SPAG5: variants seen among roughly 807,000 people sequenced by gnomAD.
SPAG5 encodes sperm-associated antigen 5.
A neutral mutation model predicts 145.4 loss-of-function variants in SPAG5; 99 were observed. The observed-to-expected ratio is 0.68, with a 90% confidence interval of 0.58 to 0.80. The LOEUF (loss-of-function observed/expected upper bound fraction) is 0.80, where lower values mean the gene tolerates loss of function less well. Ranked by LOEUF, SPAG5 falls within the 30% of genes least tolerant of loss-of-function variation. The pLI is 0.00. For synonymous variants in SPAG5, 477 were observed against 525.4 expected (o/e 0.91, Z 1.26); for missense variants, 1,192 against 1,416.0 (o/e 0.84, Z 2.54).
chr17:28,591,599 G>C, intron 4 of SPAG5, 99 bp downstream of exon 4: 1 of 1,098,810 alleles, frequency 9.1e-7, no homozygotes, highest in Admixed American at 2.3e-5. Context: ...CTAAGTATAA[G>C]CCTGTGATAG....
intron 9 of SPAG5, 47 bp downstream of exon 9, chr17:28,585,266 CAACAGG>C: frequency 1.2e-6 from 2 of 1,611,774 alleles, no homozygotes; most frequent in East Asian, 4.5e-5. Flanking sequence ...GCAAAGCTCA[CAACAGG>C]ACTTGATGTG....
chr17:28,588,175 C>T (rs138359891), intron 4 of SPAG5, among the ~76,000 whole-genome samples: 425 of 152,312 alleles, frequency 2.8e-3, no homozygotes, highest in Non-Finnish European at 4.8e-3. Context: ...CACAGAGTAG[C>T]ACATGAGCTT....
intron 1 of SPAG5, 59 bp from the exon 2 acceptor site, chr17:28,598,694 C>T: frequency 3.9e-6 from 6 of 1,557,134 alleles, no homozygotes; most frequent in Non-Finnish European, 5.2e-6. Context: ...TGCCAGCCCG[C>T]CCCTCCTCCC....
In SPAG5 at chr17:28,586,292, T is replaced by C. The variant is rs900780754; in HGVS notation, c.1513-110A>G. 119 of 1,216,688 alleles carry C rather than the reference T, an allele frequency of 9.8e-5. 2 individuals carry two copies. Among genetic ancestry groups the C allele is most frequent in the South Asian group, 5.0e-4 (40 of 80,090 alleles). 75.4% of individuals were successfully genotyped at this position (1,216,688 alleles called of 1,614,324 possible). ...CAATTCCAAGCTCCGCATAAGGAGATGTACTTTACAAATGTTTGGAAACCT... is the reference window on the plus strand; with the variant it reads ...CAATTCCAAGCTCCGCATAAGGAGACGTACTTTACAAATGTTTGGAAACCT... On this transcript the variant is annotated intron_variant, in intron 5 of 23. Coordinates refer to ENST00000321765, the MANE Select transcript of SPAG5 (RefSeq NM_006461.4).
intron 15 of SPAG5, among the ~76,000 whole-genome samples, chr17:28,583,153 AT>A (rs1369736445): frequency 6.6e-6 from 1 of 152,076 alleles, no homozygotes; most frequent in African/African-American, 2.4e-5. Flanking sequence ...TAATTTCTGT[AT>A]TTTTTTGTAG....
At position 28,586,121 on chromosome 17, in the gene SPAG5, A is replaced by G; in HGVS notation, c.1574T>C (p.Leu525Ser). 6.2e-7 allele frequency: 1 copy of G among 1,614,124 alleles called. No individual in the cohort carries two copies. Among genetic ancestry groups the G allele is most frequent in the Non-Finnish European group, 8.5e-7 (1 of 1,179,982 alleles). The change falls in exon 6 of 24, where the codon TTA becomes TCA. Residue 525 changes from leucine (L) to serine (S), a missense_variant. This residue lies in a region of SPAG5 where 709 missense variants were observed against 840.7 expected (regional missense o/e 0.84). Coordinates refer to ENST00000321765, the MANE Select transcript of SPAG5 (RefSeq NM_006461.4). ...ISLLHLSLLH[L>S]EEDKTTVSQE... ...ACTCACAGTAGTCTTATCTTCTTCT[A>G]AATGCAACAGGGATAGGTGAAGCAA...
Position 28,598,941 on chromosome 17 carries a change from C to A in SPAG5, c.6G>T (p.Trp2Cys). Residue 2 changes from tryptophan to cysteine, a missense_variant, in exon 1 of 24, where the codon TGG becomes TGT. Physicochemically the swap from Trp to Cys is radical, Grantham distance 215. Coordinates refer to ENST00000321765, the MANE Select transcript of SPAG5 (RefSeq NM_006461.4). The part of the protein sequence containing the change: M[W>C]RVKKLSLSLS... ...GGCTGAGGCTCAGTTTTTTCACTCG[C>A]CACATCTTCAACCAGAAGGCAGGCC... The A allele has an allele frequency of 6.2e-7, 1 of 1,614,014 alleles. No homozygotes were observed. The highest frequency in any genetic ancestry group is 1.1e-5 in the South Asian group (1 of 91,082).
chr17:28,591,824 G>A lies in SPAG5; in HGVS notation c.1311C>T (p.Asn437=), dbSNP rs1300892914. The A allele has an allele frequency of 1.9e-6, 3 of 1,614,144 alleles. No homozygotes were observed. The highest frequency in any genetic ancestry group is 2.5e-6 in the Non-Finnish European group (3 of 1,180,032). ...CCAGAATGACAAGAGAGCTCAGCAG[G>A]TTATCTTCCAAGTCATGTCGAGACA... ...TALSRHDLED[N]LLSSLVILEV... Residue 437 remains asparagine, a synonymous_variant, in exon 4 of 24, where the codon AAC becomes AAT. Transcript: ENST00000321765.
chr17:28,597,626 G>A lies in SPAG5; in HGVS notation c.177+884C>T, dbSNP rs2070675639. Among the ~76,000 whole-genome samples, 4 of 152,296 alleles carry A rather than the reference G, an allele frequency of 2.6e-5. 1 individual carries two copies. In the South Asian group the frequency reaches 8.3e-4, roughly 32 times the overall value. ...ACTTCTGTTACTCAGGATGTCATCT[G>A]TCTATACACTCTTCTTTCCTCCTCA... On this transcript the variant is annotated intron_variant, in intron 2 of 23. Transcript: ENST00000321765.
At chr17:28,596,488 C>T (rs1265287063) in intron 2 of SPAG5, among the ~76,000 whole-genome samples, 2 of 149,928 alleles carry the variant, frequency 1.3e-5, no homozygotes, top group Non-Finnish European at 3.0e-5. Context: ...GCCAATATGG[C>T]GAAACCCCGT....
Position 28,598,996 on chromosome 17 carries a change from C to CT in SPAG5, c.-51_-50insA. 4 of 1,569,318 alleles carry CT rather than the reference C, an allele frequency of 2.5e-6. No individual in the cohort carries two copies. The South Asian group carries it at 4.4e-5, about 17-fold the overall frequency. ...ACGTCTCAGACCAAGTCGAGGACGC[C>CT]ATGTTCACCCGCCGTCTGTGTTTGA... is the stretch of plus-strand genomic sequence containing the variant. On this transcript the variant is annotated 5_prime_UTR_variant, in exon 1 of 24. An upstream start codon of the reference 5' UTR is lost. Transcript: ENST00000321765.
At chr17:28,593,729 AAAAT>A (rs558526295) in intron 2 of SPAG5, among the ~76,000 whole-genome samples, 46 of 152,234 alleles carry the variant, frequency 3.0e-4, no homozygotes, top group Admixed American at 2.8e-3. Context: ...GTCTCAAAAA[AAAAT>A]AAATAAATAA....
Position 28,579,372 on chromosome 17 carries a change from G to A in SPAG5, c.2998C>T (p.Arg1000Ter), listed in dbSNP as rs372894476. 18 of 1,613,874 alleles carry A rather than the reference G, an allele frequency of 1.1e-5. No homozygotes were observed. Among genetic ancestry groups the A allele is most frequent in the African/African-American group, 5.3e-5 (4 of 74,892 alleles). ...AAACTGCATCCCACTCACATTTTTC[G>A]CTGCAGAGTCCTGATGGCTTCTTCT... ...SKEEAIRTLQRKICELQARLQ... is the reference protein window; with the variant it reads ...SKEEAIRTLQ The change falls in exon 18 of 24, where the codon CGA (arginine) becomes TGA (stop). Residue 1000 changes from arginine to a stop codon, truncating the protein, a stop_gained. Coordinates refer to ENST00000321765, the MANE Select transcript of SPAG5 (RefSeq NM_006461.4). LOFTEE classifies it high-confidence loss of function.
chr17:28,598,422 T>C (rs751710212), intron 2 of SPAG5, 88 bp downstream of exon 2: 62 of 1,440,558 alleles, frequency 4.3e-5, no homozygotes, highest in Non-Finnish European at 5.6e-5. Context: ...ATTATCGTTA[T>C]TAATTATTGT....
chr17:28,585,826 A>G, intron 7 of SPAG5, 38 bp downstream of exon 7: 1 of 1,613,874 alleles, frequency 6.2e-7, no homozygotes, highest in Non-Finnish European at 8.5e-7. Flanking sequence ...TTGAGGTGGA[A>G]ACCTCCCACA....
chr17:28,580,106 G>T lies in SPAG5; in HGVS notation c.2700C>A (p.Thr900=). The stretch of plus-strand genomic sequence containing the variant: ...GAGGACAGGCTGTACTCAGCAGAAG[G>T]GTCTCTTGTTCAGTCTAAGGGCAAA... ...TKLKEKTEQE[T]LLLSTACPPT... is the part of the protein sequence containing the mutation. The change falls in exon 16 of 24, where the codon ACC becomes ACA. Residue 900 remains threonine (T), a synonymous_variant. Transcript: ENST00000321765. 6.2e-7 allele frequency: 1 copy of T among 1,613,482 alleles called. No homozygotes were observed. The highest frequency in any genetic ancestry group is 8.5e-7 in the Non-Finnish European group (1 of 1,179,602).
chr17:28,579,342 C>T (rs767178274), intron 18 of SPAG5, 23 bp downstream of exon 18: 28 of 1,613,734 alleles, frequency 1.7e-5, no homozygotes, highest in Non-Finnish European at 2.2e-5. Flanking sequence ...GTCCCTCTGT[C>T]ACCAAAACTG....
chr17:28,578,880 T>C (rs946491004), intron 19 of SPAG5, 128 bp from the exon 20 acceptor site: 7 of 816,070 alleles, frequency 8.6e-6, no homozygotes, highest in Admixed American at 2.0e-5. Flanking sequence ...ACGCCAATTC[T>C]TTCCCCAGGG....
At chr17:28,594,008 T>G (rs1362653280) in intron 2 of SPAG5, among the ~76,000 whole-genome samples, 1 of 152,032 alleles carries the variant, frequency 6.6e-6, no homozygotes, top group African/African-American at 2.4e-5. Context: ...TAAAGAAATG[T>G]AAATCTGAAG....
Sources: gnomAD v4.1 joint callset for allele counts (sites outside exome capture counted in the v4.1 genomes callset) on GRCh38, gnomAD v4.1.1 for gene constraint, gnomAD v4.1.1 regional missense constraint, MANE v1.5 for transcripts, NCBI Gene and HGNC (gene_info 2026-07-23, HGNC 2026-07-21) for gene names.